DYNC1I2: variants seen among roughly 807,000 people sequenced by gnomAD.
DYNC1I2 encodes the protein cytoplasmic dynein 1 intermediate chain 2.
A neutral mutation model predicts 88.6 loss-of-function variants in DYNC1I2; 53 were observed. The ratio of observed to expected loss-of-function variants is 0.60; its 90% CI spans 0.48 to 0.75. DYNC1I2 has a LOEUF of 0.75. DYNC1I2 is among the 30% of genes least tolerant of loss of function. DYNC1I2 has a pLI of 0.00. For missense variants in DYNC1I2, 458 were observed against 766.6 expected (o/e 0.60, Z 4.75); for synonymous variants, 198 against 254.6 (o/e 0.78, Z 2.12).
chr2:171,710,985 A>G (rs560905348), intron 5 of DYNC1I2, among the ~76,000 whole-genome samples: 5 of 151,218 alleles, frequency 3.3e-5, no homozygotes, highest in African/African-American at 1.2e-4. Flanking sequence ...CATCATTTAC[A>G]TTAGGTATGT....
At chr2:171,691,312 T>A (rs1421831595) in intron 2 of DYNC1I2, among the ~76,000 whole-genome samples, 1 of 152,206 alleles carries the variant, frequency 6.6e-6, no homozygotes, top group Non-Finnish European at 1.5e-5. Context: ...CATTGAAATA[T>A]ACTTTTATCC....
At chr2:171,705,498 C>T (rs992609839) in intron 3 of DYNC1I2, among the ~76,000 whole-genome samples, 1 of 151,980 alleles carries the variant, frequency 6.6e-6, no homozygotes, top group African/African-American at 2.4e-5. Context: ...AAAATTTCTT[C>T]TTTAAAAATC....
chr2:171,711,916 A>G (rs1410654360), intron 5 of DYNC1I2, among the ~76,000 whole-genome samples: 1 of 152,226 alleles, frequency 6.6e-6, no homozygotes, highest in Non-Finnish European at 1.5e-5. Flanking sequence ...AGTACCATAC[A>G]TAATTATCTT....
rs1259870781 is a variant in DYNC1I2 at position 171,749,770 on chromosome 2, T to G, written c.*1881T>G. Among the ~76,000 whole-genome samples the G allele has an allele frequency of 6.6e-6, 1 of 152,134 alleles. No individual in the cohort carries two copies. Among genetic ancestry groups the G allele is most frequent in the African/African-American group, 2.4e-5 (1 of 41,448 alleles). ...GATGTATACCTTTGCCCATTCAACT[T>G]TAGTCCATATTTTTAGGAACACACA... On this transcript the variant is annotated 3_prime_UTR_variant, in exon 18 of 18. Transcript: ENST00000397119.
chr2:171,688,081 C>T (rs1407032762), intron 1 of DYNC1I2: 1 of 152,284 alleles, frequency 6.6e-6, no homozygotes, highest in African/African-American at 2.4e-5. Flanking sequence ...GCCTGGGGAG[C>T]CTTGAGGCTT....
chr2:171,713,567 GT>G (rs950189577), intron 6 of DYNC1I2, among the ~76,000 whole-genome samples: 14 of 151,900 alleles, frequency 9.2e-5, no homozygotes, highest in African/African-American at 3.4e-4. Flanking sequence ...TGTATGTATG[GT>G]TTTTTAATTT....
In DYNC1I2 at chr2:171,712,908, G is replaced by A. The variant is rs545026257; in HGVS notation, c.395+82G>A. 2.0e-5 allele frequency: 24 copies of A among 1,224,482 alleles called. No homozygotes were observed. The South Asian group carries it at 2.7e-4, about 14-fold the overall frequency. The allele number at this position is 1,224,482 out of a possible 1,614,324, so 75.9% of individuals were successfully genotyped here. A position where few individuals can be genotyped will look rare whatever the true frequency, so the allele number is the denominator to read the frequency against. ...ACTGTCCTAATTTTATTTTGCTTAA[G>A]TTTATAATATTGTATCACGTAGTAA... On this transcript the variant is annotated intron_variant, in intron 6 of 17. Coordinates refer to ENST00000397119, the MANE Select transcript of DYNC1I2 (RefSeq NM_001378.3).
intron 16 of DYNC1I2, among the ~76,000 whole-genome samples, chr2:171,745,143 T>A (rs1689697674): frequency 6.6e-6 from 1 of 152,224 alleles, no homozygotes. Flanking sequence ...ATCATACTTT[T>A]AGTCTGAATC....
At chr2:171,700,654 CAG>C (rs10537415) in intron 3 of DYNC1I2, among the ~76,000 whole-genome samples, 28,012 of 151,770 alleles carry the variant, frequency 0.18, 3,720 homozygotes, top group African/African-American at 0.36. Flanking sequence ...TTTTTTGAGA[CAG>C]AGTCTTGCTG....
chr2:171,724,102 G>T (rs540093240), intron 7 of DYNC1I2, among the ~76,000 whole-genome samples: 1 of 152,234 alleles, frequency 6.6e-6, no homozygotes, highest in South Asian at 2.1e-4. Context: ...CTGTAAACTT[G>T]TCAGAACACA....
chr2:171,743,873 A>G (rs942034831), intron 15 of DYNC1I2, among the ~76,000 whole-genome samples, 176 bp from the exon 16 acceptor site: 4 of 152,230 alleles, frequency 2.6e-5, no homozygotes, highest in African/African-American at 9.6e-5. Context: ...CTTAGTTTAC[A>G]ATACCAGGTA....
At chr2:171,697,866 G>T (rs928735450) in intron 3 of DYNC1I2, among the ~76,000 whole-genome samples, 19 of 146,690 alleles carry the variant, frequency 1.3e-4, no homozygotes, top group African/African-American at 4.9e-4. Context: ...GAAAAGAAAA[G>T]AAAAGAAAAG....
At chr2:171,702,838 A>G (rs924357899) in intron 3 of DYNC1I2, among the ~76,000 whole-genome samples, 1 of 151,850 alleles carries the variant, frequency 6.6e-6, no homozygotes, top group African/African-American at 2.4e-5. Flanking sequence ...TCAGCCTCCC[A>G]AGTAGCTTGG....
At chr2:171,730,333 T>C (rs1386953306) in intron 15 of DYNC1I2, among the ~76,000 whole-genome samples, 1 of 152,248 alleles carries the variant, frequency 6.6e-6, no homozygotes, top group Non-Finnish European at 1.5e-5. Context: ...TGTAGTAAAC[T>C]GGAATCCTTA....
intron 3 of DYNC1I2, among the ~76,000 whole-genome samples, chr2:171,699,591 A>AGAGT (rs1553579484): frequency 1.5e-5 from 2 of 137,734 alleles, no homozygotes; most frequent in African/African-American, 2.8e-5. Flanking sequence ...CATCATTTGG[A>AGAGT]GTGTGTGTGT....
Position 171,744,069 on chromosome 2 carries a change from A to T in DYNC1I2, c.1557A>T (p.Ser519=). ...WTTKNNKPLY[S]FEDNADYVYD... ...TTCAGAATAACAAGCCTTTGTATTC[A>T]TTTGAAGATAATGCAGACTATGTTT... The change falls in exon 16 of 18, where the codon TCA becomes TCT. Residue 519 remains serine (S), a synonymous_variant. Transcript: ENST00000397119. 6 of 1,611,470 alleles carry T rather than the reference A, an allele frequency of 3.7e-6. No individual in the cohort carries two copies. Among genetic ancestry groups the T allele is most frequent in the Non-Finnish European group, 5.1e-6 (6 of 1,179,310 alleles).
intron 5 of DYNC1I2, among the ~76,000 whole-genome samples, chr2:171,710,658 A>G (rs557942612): frequency 1.4e-4 from 21 of 150,922 alleles, no homozygotes; most frequent in South Asian, 1.1e-3. Context: ...TTTAGGAACA[A>G]TTATTCAGTG....
At chr2:171,707,836 T>G (rs543379046) in intron 5 of DYNC1I2, among the ~76,000 whole-genome samples, 1 of 152,182 alleles carries the variant, frequency 6.6e-6, no homozygotes, top group Non-Finnish European at 1.5e-5. Flanking sequence ...AGATAGAGAA[T>G]AATAATGCAT....
chr2:171,725,569 T>C (rs1333509570), intron 7 of DYNC1I2, 49 bp from the exon 8 acceptor site: 3 of 1,184,468 alleles, frequency 2.5e-6, no homozygotes, highest in African/African-American at 1.6e-5. Flanking sequence ...TAATTTATTA[T>C]ATCATTCTGT....
Sources: allele counts gnomAD v4.1 joint callset (sites outside exome capture counted in the v4.1 genomes callset), GRCh38; gene constraint gnomAD v4.1.1; transcripts MANE v1.5; gene names NCBI Gene and HGNC (gene_info 2026-07-23, HGNC 2026-07-21).